Variants in TACC3 observed in about 807,000 individuals in gnomAD.
TACC3 encodes transforming acidic coiled-coil-containing protein 3.
Under a neutral mutation model 86.0 loss-of-function variants are expected in TACC3, and 52 were observed. The observed-to-expected ratio is 0.60, with a 90% confidence interval of 0.48 to 0.76. TACC3 has a LOEUF of 0.76. TACC3 is among the 30% of genes least tolerant of loss of function. TACC3 has a pLI of 0.00. For synonymous variants in TACC3, 512 were observed against 430.0 expected, an observed-to-expected ratio of 1.19 and a Z score of -2.36; for missense variants, 1,120 against 1,070.4, an observed-to-expected ratio of 1.05 and a Z score of -0.65.
chr4:1,728,226 G>A lies in TACC3; in HGVS notation c.824G>A (p.Cys275Tyr), dbSNP rs17132047. Reference sequence around the variant, plus strand: ...GGTCTGCCTGGCGAAGCCCTGGGCTGCCCTGCGGGTGTGGGCACCCCCGTG... The same window carrying A: ...GGTCTGCCTGGCGAAGCCCTGGGCTACCCTGCGGGTGTGGGCACCCCCGTG... The part of the protein sequence containing the change: ...LQGLPGEALG[C>Y]PAGVGTPVPA... Residue 275 changes from cysteine (C) to tyrosine (Y), a missense_variant, in exon 4 of 16, where the codon TGC becomes TAC. Cys to Tyr is a radical substitution (Grantham distance 194). Coordinates refer to ENST00000313288, the MANE Select transcript of TACC3 (RefSeq NM_006342.3). 0.23 allele frequency: 378,526 copies of A among 1,611,608 alleles called. 46,686 individuals carry two copies. Among genetic ancestry groups the A allele is most frequent in the Non-Finnish European group, 0.26 (305,310 of 1,179,378 alleles).
At chr4:1,725,183 C>T (rs562307163) in intron 3 of TACC3, among the ~76,000 whole-genome samples, 5 of 151,500 alleles carry the variant, frequency 3.3e-5, no homozygotes, top group South Asian at 2.1e-4. Context: ...CTGCCGGCCT[C>T]GGCCTCCCAA....
intron 12 of TACC3, chr4:1,740,320 C>T (rs1379509208): frequency 2.2e-5 from 11 of 496,592 alleles, no homozygotes; most frequent in East Asian, 6.9e-5. Flanking sequence ...CTGCCCTCGC[C>T]GTGCGGCTAT....
In TACC3 at chr4:1,744,737, C is replaced by T. The variant is rs192064282; in HGVS notation, c.2356C>T (p.Arg786Trp). The T allele has an allele frequency of 5.6e-6, 9 of 1,612,624 alleles. No individual in the cohort carries two copies. Among genetic ancestry groups the T allele is most frequent in the Admixed American group, 1.7e-5 (1 of 60,004 alleles). ...QLANEEIAQV[R>W]SKAQAEALAL... The stretch of plus-strand genomic sequence containing the variant: ...GGCAAACGAGGAGATCGCCCAGGTC[C>T]GGAGCAAGGCCCAGGCGGAAGCGTT... The change falls in exon 15 of 16, where the codon CGG (arginine) becomes TGG (tryptophan). Residue 786 changes from arginine to tryptophan, a missense_variant. Arg to Trp is a moderately radical substitution (Grantham distance 101). Transcript: ENST00000313288.
At chr4:1,744,443 G>C in intron 13 of TACC3, 75 bp from the exon 14 acceptor site, 1 of 1,387,688 alleles carries the variant, frequency 7.2e-7, no homozygotes, top group South Asian at 1.2e-5. Context: ...AGGATCTGCA[G>C]GTCCCCAGAC....
chr4:1,725,120 T>C (rs925491186), intron 3 of TACC3, among the ~76,000 whole-genome samples: 5 of 151,940 alleles, frequency 3.3e-5, no homozygotes, highest in East Asian at 1.9e-4. Context: ...TTAGTAAATA[T>C]GGGGTTTATC....
intron 13 of TACC3, among the ~76,000 whole-genome samples, chr4:1,742,798 C>CAAAA (rs755757373): frequency 0.02 from 2,667 of 133,158 alleles, 112 homozygotes; most frequent in African/African-American, 0.067. Context: ...GACTCCATCT[C>CAAAA]AAAAAAAAAA....
At chr4:1,744,326 C>G in intron 13 of TACC3, 192 bp from the exon 14 acceptor site, 1 of 592,512 alleles carries the variant, frequency 1.7e-6, no homozygotes, top group Non-Finnish European at 3.0e-6. Flanking sequence ...AGAGCCAGGG[C>G]TGTCCTGAAC....
At position 1,727,608 on chromosome 4, in the gene TACC3, T is replaced by G. The variant is rs376434041; in HGVS notation, c.306-100T>G. On this transcript the variant is annotated intron_variant, in intron 3 of 15. Coordinates refer to ENST00000313288, the MANE Select transcript of TACC3 (RefSeq NM_006342.3). The stretch of plus-strand genomic sequence containing the variant: ...GTGCCAAGGGTGACTCAGCCCTGCT[T>G]CTGGTGTGAGAATGTTAAACCTATG... 8 of 1,509,640 alleles carry G rather than the reference T, an allele frequency of 5.3e-6. No individual in the cohort carries two copies. In the African/African-American group the frequency reaches 9.8e-5, roughly 18 times the overall value. The allele number at this position is 1,509,640 out of a possible 1,614,324, so 93.5% of individuals were successfully genotyped here. A position where few individuals can be genotyped will look rare whatever the true frequency, so the allele number is the denominator to read the frequency against.
chr4:1,740,359 G>A (rs1266054880), intron 12 of TACC3: 3 of 418,368 alleles, frequency 7.2e-6, no homozygotes, highest in African/African-American at 6.0e-5. Flanking sequence ...TAGGTGTCTG[G>A]CAGGACGGGA....
intron 1 of TACC3, among the ~76,000 whole-genome samples, chr4:1,722,344 T>G (rs920427377): frequency 1.3e-5 from 2 of 152,180 alleles, no homozygotes; most frequent in Admixed American, 1.3e-4. Flanking sequence ...CCAGCACCCC[T>G]TCCCCTGCCC....
chr4:1,728,407 T>G lies in TACC3; in HGVS notation c.1005T>G (p.Pro335=). Reference sequence around the variant, plus strand: ...TGGCCAGCTCCTCGAGGAGCGGACCTGTAAAACTAGAATTTGATGTATCTG... The same window carrying G: ...TGGCCAGCTCCTCGAGGAGCGGACCGGTAAAACTAGAATTTGATGTATCTG... ...GQMASSSRSG[P]VKLEFDVSDG... is the part of the protein sequence containing the mutation. Residue 335 remains proline, a synonymous_variant, in exon 4 of 16, where the codon CCT becomes CCG. Coordinates refer to ENST00000313288, the MANE Select transcript of TACC3 (RefSeq NM_006342.3). The G allele has an allele frequency of 6.2e-7, 1 of 1,613,362 alleles. No homozygotes were observed. The highest frequency in any genetic ancestry group is 1.7e-5 in the Admixed American group (1 of 60,032).
At chr4:1,724,267 C>G (rs535593865) in intron 3 of TACC3, among the ~76,000 whole-genome samples, 3 of 151,184 alleles carry the variant, frequency 2.0e-5, no homozygotes, top group Admixed American at 2.0e-4. Flanking sequence ...CCACCACGCC[C>G]GGCCGGCCTT....
intron 6 of TACC3, among the ~76,000 whole-genome samples, chr4:1,733,461 T>G (rs55895563): frequency 0.21 from 32,587 of 151,946 alleles, 3,771 homozygotes; most frequent in Non-Finnish European, 0.26. Context: ...GAGACTAACC[T>G]GGGCAACATG....
chr4:1,720,842 CAGCCGCCGGGA>C, upstream of TACC3: 1 of 1,570,528 alleles, frequency 6.4e-7, no homozygotes. The surrounding 1 kb of genome is among the most constrained non-coding windows in gnomAD (Gnocchi z 4.4). Context: ...GTCCATCGCG[CAGCCGCCGGGA>C]AGCTGTCGAG....
Position 1,723,766 on chromosome 4 carries a change from C to T in TACC3, c.201C>T (p.His67=). ...CACCTCTGCGGGATCCACAGACGCA[C>T]AGGATTCTAAGTCCTAGCATGGCCA... ...FQTPLRDPQT[H]RILSPSMASK... The change falls in exon 3 of 16, where the codon CAC becomes CAT. Residue 67 remains histidine, a synonymous_variant. Transcript: ENST00000313288. 6.2e-7 allele frequency: 1 copy of T among 1,613,846 alleles called. No homozygotes were observed. The highest frequency in any genetic ancestry group is 1.1e-5 in the South Asian group (1 of 91,090).
chr4:1,727,575 G>A (rs546347473), intron 3 of TACC3, 133 bp from the exon 4 acceptor site: 4 of 1,415,744 alleles, frequency 2.8e-6, no homozygotes, highest in East Asian at 4.6e-5. Flanking sequence ...GGTGGAGAAC[G>A]GGAAGCCGTG....
rs968980943 is a variant in TACC3, at chr4:1,737,715, G to A, written c.1941+13G>A. The A allele has an allele frequency of 1.5e-5, 23 of 1,550,134 alleles. No homozygotes were observed. Among genetic ancestry groups the A allele is most frequent in the Non-Finnish European group, 1.9e-5 (22 of 1,146,336 alleles). ...CCTGGATGCAGTGGTAAGGACGCAG[G>A]TAGTAGCTATTCCACAGAACCTGCA... On this transcript the variant is annotated intron_variant, in intron 10 of 15. Transcript: ENST00000313288.
At position 1,730,902 on chromosome 4, in the gene TACC3, C is replaced by T; in HGVS notation, c.1401C>T (p.Ala467=). ...GTCTCCCCAGGCAGCTGCATTCAGC[C>T]TCAGCGGAGGACACGCCTGTGGTGC... is the stretch of plus-strand genomic sequence containing the variant. ...GPCLSQQLHS[A]SAEDTPVVQL... The change falls in exon 5 of 16, where the codon GCC becomes GCT. Residue 467 remains alanine (A), a synonymous_variant. Transcript: ENST00000313288. The T allele has an allele frequency of 1.2e-6, 2 of 1,613,332 alleles. No homozygotes were observed. The highest frequency in any genetic ancestry group is 1.1e-5 in the South Asian group (1 of 91,084).
In TACC3 at chr4:1,728,119, T is replaced by TG; in HGVS notation, c.721dup (p.Val241GlyfsTer17). ...GAGCCGAGGAGGAATGCCGGCACGG[T>TG]GGGGTCTGTGCTCCCGCAGCAGTGG... On this transcript the variant is annotated frameshift_variant, in exon 4 of 16. Coordinates refer to ENST00000313288, the MANE Select transcript of TACC3 (RefSeq NM_006342.3). LOFTEE classifies it high-confidence loss of function. 6.2e-7 allele frequency: 1 copy of TG among 1,612,304 alleles called. No individual in the cohort carries two copies. Among genetic ancestry groups the TG allele is most frequent in the Non-Finnish European group, 8.5e-7 (1 of 1,179,740 alleles).
Sources: gnomAD v4.1 joint callset for allele counts (sites outside exome capture counted in the v4.1 genomes callset) on GRCh38, gnomAD v4.1.1 for gene constraint, Gnocchi (gnomAD v3.1) non-coding constraint, MANE v1.5 for transcripts, NCBI Gene and HGNC (gene_info 2026-07-23, HGNC 2026-07-21) for gene names.